The following GPATCH8 variants were observed in gnomAD, a reference collection of about 807,000 sequenced individuals.
The protein encoded by GPATCH8 is G-patch domain containing 8.
A neutral mutation model predicts 118.3 loss-of-function variants in GPATCH8; 18 were observed. The ratio of observed to expected loss-of-function variants is 0.15; its 90% CI spans 0.11 to 0.23. The LOEUF (loss-of-function observed/expected upper bound fraction) is 0.23. Among genes scored for constraint, GPATCH8 ranks in the 10% least tolerant of loss-of-function variants. GPATCH8 has a pLI of 1.00. For missense variants in GPATCH8, 1,631 were observed against 1,873.8 expected (o/e 0.87, Z 2.39); for synonymous variants, 659 against 684.7 (o/e 0.96, Z 0.59).
At chr17:44,436,340 T>A (rs760047710) in intron 4 of GPATCH8, 138 bp downstream of exon 4, 8 of 680,814 alleles carry the variant, frequency 1.2e-5, no homozygotes, top group Non-Finnish European at 1.9e-5. Flanking sequence ...ATGTAAAATA[T>A]ATTTTTTAGT....
chr17:44,399,850 G>T lies in GPATCH8; in HGVS notation c.2227C>A (p.Pro743Thr). ...PEPPGSGSPA[P>T]PRRRRRAQDD... ...TGAGCTCTCCGCCTTCTTCTTGGTG[G>T]TGCGGGACTGCCACTCCCAGGGGGT... The change falls in exon 8 of 8, where the codon CCA (proline) becomes ACA (threonine). Residue 743 changes from proline (P) to threonine (T), a missense_variant. Transcript: ENST00000591680. 6.2e-7 allele frequency: 1 copy of T among 1,613,818 alleles called. No individual in the cohort carries two copies.
chr17:44,452,535 C>T (rs2051156740), intron 3 of GPATCH8, among the ~76,000 whole-genome samples: 1 of 152,068 alleles, frequency 6.6e-6, no homozygotes, highest in South Asian at 2.1e-4. Context: ...CCTGTTTTAT[C>T]AGCCTTCATA....
chr17:44,453,425 A>T (rs895564281), intron 3 of GPATCH8, among the ~76,000 whole-genome samples: 2 of 151,780 alleles, frequency 1.3e-5, no homozygotes, highest in Non-Finnish European at 2.9e-5. Flanking sequence ...TTAAGTGCTT[A>T]GCATATATGA....
At chr17:44,498,162 C>T (rs979881802) in intron 1 of GPATCH8, among the ~76,000 whole-genome samples, 10 of 152,076 alleles carry the variant, frequency 6.6e-5, no homozygotes, top group Admixed American at 3.3e-4. Context: ...GAAAGAATCC[C>T]TTTGCAGTAC....
At position 44,427,158 on chromosome 17, in the gene GPATCH8, A is replaced by G. The variant is rs9903906; in HGVS notation, c.349-2666T>C. ...TAGTGCAATTACAGTTCACTGTAGC[A>G]TCGACCTCCTGGGCTCAATTAATCC... On this transcript the variant is annotated intron_variant, in intron 5 of 7. Transcript: ENST00000591680. 4.6e-5 allele frequency among the ~76,000 whole-genome samples: 7 copies of G among 151,346 alleles called. No individual in the cohort carries two copies. The South Asian group carries it at 1.3e-3, about 27-fold the overall frequency.
chr17:44,414,115 A>ATGTATATATATGTGTATATATATATATG (rs1555624944), intron 6 of GPATCH8, among the ~76,000 whole-genome samples: 6,109 of 82,812 alleles, frequency 0.074, 211 homozygotes, highest in Middle Eastern at 0.15. Flanking sequence ...GTATATATAT[A>ATGTATATATATGTGTATATATATATATG]TGTATATATA....
chr17:44,407,743 G>A (rs1294378143), intron 6 of GPATCH8, among the ~76,000 whole-genome samples: 2 of 150,280 alleles, frequency 1.3e-5, no homozygotes, highest in East Asian at 2.0e-4. Context: ...TGCAGCCTCC[G>A]CCTCCCAGGT....
At position 44,406,071 on chromosome 17, in the gene GPATCH8, G is replaced by A. The variant is rs372975614; in HGVS notation, c.493-20C>T. The A allele has an allele frequency of 1.9e-6, 3 of 1,582,740 alleles. No homozygotes were observed. In the African/African-American group the frequency reaches 4.0e-5, roughly 21 times the overall value. On this transcript the variant is annotated intron_variant, in intron 6 of 7. Coordinates refer to ENST00000591680, the MANE Select transcript of GPATCH8 (RefSeq NM_001002909.4). ...TAATCTCTGGGTTAAAAGAAAGAAA[G>A]ATACAGAGGGTGGATGATTTACAGT...
chr17:44,456,315 T>TAC (rs1415176727), intron 3 of GPATCH8, among the ~76,000 whole-genome samples: 1 of 151,958 alleles, frequency 6.6e-6, no homozygotes, highest in African/African-American at 2.4e-5. Context: ...GAGGTCTTGT[T>TAC]ATATTGTCTA....
intron 3 of GPATCH8, among the ~76,000 whole-genome samples, chr17:44,448,503 A>AGG (rs35585514): frequency 2.7e-4 from 17 of 63,742 alleles, no homozygotes; most frequent in African/African-American, 1.1e-3. Flanking sequence ...AAAAAAAAAA[A>AGG]GGGGGGGGGG....
At position 44,503,235 on chromosome 17, in the gene GPATCH8, C is replaced by A. The variant is rs1049078829; in HGVS notation, c.45+91G>T. On this transcript the variant is annotated intron_variant, in intron 1 of 7. Transcript: ENST00000591680. ...AGCTGGTTCGCAAGTCGGAGCAAAACTGGAAGGAAAGAGGGCTGGGAGCCG... is the reference window on the plus strand; with the variant it reads ...AGCTGGTTCGCAAGTCGGAGCAAAAATGGAAGGAAAGAGGGCTGGGAGCCG... 3.3e-6 allele frequency: 4 copies of A among 1,218,282 alleles called. No individual in the cohort carries two copies. In the African/African-American group the frequency reaches 6.0e-5, roughly 18 times the overall value. The allele number at this position is 1,218,282 out of a possible 1,614,324, so 75.5% of individuals were successfully genotyped here.
rs1441528712 is a variant in GPATCH8 at position 44,395,876 on chromosome 17, C to T, written c.*1692G>A. ...AAGGAGATGGGACCTGCAACACAAG[C>T]ACCTTTGGGTCAGTGTGTTAATTAG... On this transcript the variant is annotated 3_prime_UTR_variant, in exon 8 of 8. Coordinates refer to ENST00000591680, the MANE Select transcript of GPATCH8 (RefSeq NM_001002909.4). 6.6e-6 allele frequency: 3 copies of T among 454,096 alleles called. No individual in the cohort carries two copies. The highest frequency in any genetic ancestry group is 6.9e-4 in the Middle Eastern group (1 of 1,444). The allele number at this position is 454,096 out of a possible 1,614,324, so 28.1% of individuals were successfully genotyped here. A position where few individuals can be genotyped will look rare whatever the true frequency, so the allele number is the denominator to read the frequency against.
Position 44,440,099 on chromosome 17 carries a change from T to C in GPATCH8, c.194-3554A>G, listed in dbSNP as rs561433512. Reference sequence around the variant, plus strand: ...GCCCGGCCTCAACTTCTTTTAAAAATAAAATCCAGGTTCCCTACTTCTTGG... The same window carrying C: ...GCCCGGCCTCAACTTCTTTTAAAAACAAAATCCAGGTTCCCTACTTCTTGG... On this transcript the variant is annotated intron_variant, in intron 3 of 7. Transcript: ENST00000591680. 4.6e-5 allele frequency among the ~76,000 whole-genome samples: 7 copies of C among 152,190 alleles called. No homozygotes were observed. In the South Asian group the frequency reaches 1.5e-3, roughly 32 times the overall value.
intron 3 of GPATCH8, among the ~76,000 whole-genome samples, chr17:44,441,778 C>T (rs2144089906): frequency 6.6e-6 from 1 of 151,684 alleles, no homozygotes; most frequent in South Asian, 2.1e-4. Context: ...CCTGTAATCC[C>T]AGCAATTTGG....
At chr17:44,468,683 T>G (rs1466216432) in intron 2 of GPATCH8, among the ~76,000 whole-genome samples, 1 of 152,122 alleles carries the variant, frequency 6.6e-6, no homozygotes, top group African/African-American at 2.4e-5. Flanking sequence ...ATTTGGGGTT[T>G]AATTATAATC....
chr17:44,467,705 G>A (rs1966909354), intron 2 of GPATCH8, among the ~76,000 whole-genome samples: 1 of 152,112 alleles, frequency 6.6e-6, no homozygotes, highest in Non-Finnish European at 1.5e-5. Context: ...AGGCAGCTCT[G>A]TGACTCTGCA....
At chr17:44,417,856 G>A (rs973112278) in intron 6 of GPATCH8, among the ~76,000 whole-genome samples, 1 of 152,224 alleles carries the variant, frequency 6.6e-6, no homozygotes, top group Non-Finnish European at 1.5e-5. Flanking sequence ...CAACTGTTAT[G>A]TTGAAATGTA....
chr17:44,491,726 C>A lies in GPATCH8; in HGVS notation c.45+11600G>T, dbSNP rs375770612. On this transcript the variant is annotated intron_variant, in intron 1 of 7. Transcript: ENST00000591680. Reference sequence around the variant, plus strand: ...TAAATTAACTGAATGTGGTGGTACACACCTGTAGTCCCAGCTACTCGGGAG... The same window carrying A: ...TAAATTAACTGAATGTGGTGGTACAAACCTGTAGTCCCAGCTACTCGGGAG... 3.3e-5 allele frequency among the ~76,000 whole-genome samples: 5 copies of A among 152,130 alleles called. No homozygotes were observed. The South Asian group carries it at 1.0e-3, about 32-fold the overall frequency.
intron 6 of GPATCH8, among the ~76,000 whole-genome samples, chr17:44,412,884 C>T (rs1294416930): frequency 6.6e-6 from 1 of 152,062 alleles, no homozygotes; most frequent in Non-Finnish European, 1.5e-5. Context: ...TGTCTGTCTC[C>T]TCTCCCCTTC....
Sources: allele counts gnomAD v4.1 joint callset (sites outside exome capture counted in the v4.1 genomes callset), GRCh38; gene constraint gnomAD v4.1.1; transcripts MANE v1.5; gene names NCBI Gene and HGNC (gene_info 2026-07-23, HGNC 2026-07-21).